Variants in VIM observed in about 807,000 individuals in gnomAD.
VIM encodes vimentin, also known as epididymis secretory sperm binding protein.
In VIM, 18 loss-of-function variants were observed where a neutral mutation model predicts 50.3. That is an observed-to-expected ratio of 0.36 (90% confidence interval 0.25 to 0.53). The LOEUF (loss-of-function observed/expected upper bound fraction) is 0.53. VIM is among the 20% of genes least tolerant of loss of function. The pLI, the probability that VIM is intolerant of heterozygous loss-of-function variation, is 0.91. For missense variants in VIM, 551 were observed against 614.7 expected (o/e 0.90, Z 1.10); for synonymous variants, 245 against 248.5 (o/e 0.99, Z 0.13).
rs763181437 is a variant in VIM, at chr10:17,237,260, G to C, written c.1390G>C (p.Asp464His). ...VINETSQHHD[D>H]LE Reference sequence around the variant, plus strand: ...CAACGAAACTTCTCAGCATCACGATGACCTTGAATAAAAATTGCACACACT... The same window carrying C: ...CAACGAAACTTCTCAGCATCACGATCACCTTGAATAAAAATTGCACACACT... The change falls in exon 10 of 10, where the codon GAC (aspartate) becomes CAC (histidine). Residue 464 changes from aspartate (D) to histidine (H), a missense_variant. Coordinates refer to ENST00000544301, the MANE Select transcript of VIM (RefSeq NM_003380.5). 6.2e-7 allele frequency: 1 copy of C among 1,606,160 alleles called. No homozygotes were observed. Among genetic ancestry groups the C allele is most frequent in the South Asian group, 1.1e-5 (1 of 90,096 alleles).
At position 17,229,885 on chromosome 10, in the gene VIM, C is replaced by T. The variant is rs749293841; in HGVS notation, c.463C>T (p.Arg155Trp). 3 of 1,611,196 alleles carry T rather than the reference C, an allele frequency of 1.9e-6. No homozygotes were observed. The highest frequency in any genetic ancestry group is 2.5e-6 in the Non-Finnish European group (3 of 1,179,046). The change falls in exon 2 of 10, where the codon CGG (arginine) becomes TGG (tryptophan). Residue 155 changes from arginine (R) to tryptophan (W), a missense_variant. This residue lies in a region of VIM where 394 missense variants were observed against 437.5 expected (regional missense o/e 0.90). Coordinates refer to ENST00000544301, the MANE Select transcript of VIM (RefSeq NM_003380.5). ...RLGDLYEEEM[R>W]ELRRQVDQLT... ...GGGGGACCTCTACGAGGAGGAGATG[C>T]GGGAGCTGCGCCGGCAGGTGGACCA...
chr10:17,229,659 C>T lies in VIM; in HGVS notation c.237C>T (p.Leu79=). 1 of 1,562,488 alleles carries T rather than the reference C, an allele frequency of 6.4e-7. No individual in the cohort carries two copies. The highest frequency in any genetic ancestry group is 1.9e-5 in the Admixed American group (1 of 52,432). Residue 79 remains leucine (L), a synonymous_variant, in exon 2 of 10, where the codon CTC becomes CTT. Transcript: ENST00000544301. Reference sequence around the variant, plus strand: ...GGAGCAGCGTGCCCGGGGTGCGGCTCCTGCAGGACTCGGTGGACTTCTCGC... The same window carrying T: ...GGAGCAGCGTGCCCGGGGTGCGGCTTCTGCAGGACTCGGTGGACTTCTCGC... ...RLRSSVPGVR[L]LQDSVDFSLA... is the part of the protein sequence containing the mutation.
chr10:17,237,186 T>C (rs1285175153), intron 9 of VIM, 44 bp from the exon 10 acceptor site: 1 of 1,523,274 alleles, frequency 6.6e-7, no homozygotes, highest in African/African-American at 1.4e-5. Context: ...ATTTAGTCTT[T>C]GGCATGTGGC....
Position 17,234,853 on chromosome 10 carries a change from A to C in VIM, c.1008+35A>C, listed in dbSNP as rs751325722. On this transcript the variant is annotated intron_variant, in intron 6 of 9. Coordinates refer to ENST00000544301, the MANE Select transcript of VIM (RefSeq NM_003380.5). Reference sequence around the variant, plus strand: ...AACCCTGCAGTAAAAGAGGGAAAATAATGACCCATTCTGCTGACTAGGCTC... The same window carrying C: ...AACCCTGCAGTAAAAGAGGGAAAATCATGACCCATTCTGCTGACTAGGCTC... 1.9e-6 allele frequency: 3 copies of C among 1,613,876 alleles called. No individual in the cohort carries two copies. The East Asian group carries it at 6.7e-5, about 36-fold the overall frequency.
chr10:17,233,691 A>G lies in VIM; in HGVS notation c.720+9A>G. 2 of 1,614,150 alleles carry G rather than the reference A, an allele frequency of 1.2e-6. No homozygotes were observed. Among genetic ancestry groups the G allele is most frequent in the Middle Eastern group, 1.6e-4 (1 of 6,062 alleles). ...AGAAACTCCACGAAGAGGTTAGTGG[A>G]GTGACTTTCGGGGAATGAATGAGGG... On this transcript the variant is annotated intron_variant, in intron 4 of 9. Coordinates refer to ENST00000544301, the MANE Select transcript of VIM (RefSeq NM_003380.5).
chr10:17,232,699 C>T (rs1269340444), intron 3 of VIM, among the ~76,000 whole-genome samples: 1 of 152,154 alleles, frequency 6.6e-6, no homozygotes, highest in African/African-American at 2.4e-5. Flanking sequence ...ATAAATCTAG[C>T]CTTGTACAAT....
chr10:17,236,240 T>C, intron 8 of VIM, 54 bp from the exon 9 acceptor site: 2 of 1,369,890 alleles, frequency 1.5e-6, no homozygotes, highest in Non-Finnish European at 2.1e-6. Flanking sequence ...GGTTACTTGG[T>C]TTTTCCAAGA....
intron 3 of VIM, 48 bp downstream of exon 3, chr10:17,230,758 C>T (rs773168600): frequency 4.4e-6 from 7 of 1,608,104 alleles, no homozygotes; most frequent in Non-Finnish European, 6.0e-6. Context: ...CCACCCAACA[C>T]AACCCACGAG....
At chr10:17,231,676 G>T (rs1327966731) in intron 3 of VIM, among the ~76,000 whole-genome samples, 2 of 151,972 alleles carry the variant, frequency 1.3e-5, no homozygotes, top group African/African-American at 4.8e-5. Context: ...TTCTTGATTG[G>T]GTTCTTGTGT....
intron 1 of VIM, 181 bp downstream of exon 1, chr10:17,228,705 G>C (rs45511801): frequency 2.0e-5 from 3 of 153,024 alleles, no homozygotes. Flanking sequence ...GCGCGGGCCG[G>C]AGCAGCCCCC....
chr10:17,233,102 C>T (rs1396849564), intron 3 of VIM: 3 of 213,008 alleles, frequency 1.4e-5, no homozygotes, highest in South Asian at 6.3e-5. Context: ...CATGTGCCAC[C>T]ACACCCAGCT....
At chr10:17,235,657 C>A in intron 7 of VIM, 189 bp from the exon 8 acceptor site, 1 of 712,876 alleles carries the variant, frequency 1.4e-6, no homozygotes, top group Non-Finnish European at 2.4e-6. Flanking sequence ...GGAGAAAATG[C>A]TTGTAGTAAC....
In VIM at chr10:17,233,804, A is replaced by G. The variant is rs776147609; in HGVS notation, c.755A>G (p.Gln252Arg). ...GAGCTGCAGGCTCAGATTCAGGAAC[A>G]GCATGTCCAAATCGATGTGGATGTT... Reference protein sequence around the residue: ...IQELQAQIQEQHVQIDVDVSK... With the variant: ...IQELQAQIQERHVQIDVDVSK... Residue 252 changes from glutamine (Q) to arginine (R), a missense_variant, in exon 5 of 10, where the codon CAG becomes CGG. By Grantham distance (43) the Gln-to-Arg change is conservative (BLOSUM62 1). This residue lies in a region of VIM where 394 missense variants were observed against 437.5 expected (regional missense o/e 0.90). Coordinates refer to ENST00000544301, the MANE Select transcript of VIM (RefSeq NM_003380.5). 31 of 1,614,228 alleles carry G rather than the reference A, an allele frequency of 1.9e-5. No individual in the cohort carries two copies. In the East Asian group the frequency reaches 4.2e-4, roughly 22 times the overall value.
intron 5 of VIM, chr10:17,234,202 G>A (rs570334580): frequency 3.7e-5 from 15 of 406,894 alleles, no homozygotes; most frequent in East Asian, 3.3e-4. Flanking sequence ...TGCAACCTCC[G>A]CCTCCCAGGT....
At chr10:17,234,239 C>A (rs1295911105) in intron 5 of VIM, 2 of 374,948 alleles carry the variant, frequency 5.3e-6, no homozygotes, top group South Asian at 2.4e-5. Context: ...CCTCAGCCCC[C>A]TAAGAGCTGG....
At chr10:17,230,242 A>G (rs1846762025) in intron 2 of VIM, 1 of 591,346 alleles carries the variant, frequency 1.7e-6, no homozygotes, top group South Asian at 2.1e-5. Context: ...CAGATTTCTT[A>G]AAACTACCAC....
chr10:17,233,344 T>A, intron 3 of VIM: 1 of 504,292 alleles, frequency 2.0e-6, no homozygotes, highest in Admixed American at 3.2e-5. Flanking sequence ...ATTTTAAAAT[T>A]GTCTGATCAC....
Position 17,229,494 on chromosome 10 carries a change from G to C in VIM, c.72G>C (p.Pro24=), listed in dbSNP as rs1174783297. ...MFGGPGTASR[P]SSSRSYVTTS... The stretch of plus-strand genomic sequence containing the variant: ...GCGGCCCGGGCACCGCGAGCCGGCC[G>C]AGCTCCAGCCGGAGCTACGTGACTA... Residue 24 remains proline (P), a synonymous_variant, in exon 2 of 10, where the codon CCG becomes CCC. Coordinates refer to ENST00000544301, the MANE Select transcript of VIM (RefSeq NM_003380.5). The C allele has an allele frequency of 1.9e-6, 3 of 1,607,432 alleles. No homozygotes were observed. The African/African-American group carries it at 4.0e-5, about 21-fold the overall frequency.
At position 17,237,212 on chromosome 10, in the gene VIM, G is replaced by GTTT; in HGVS notation, c.1360-9_1360-7dup. Reference sequence around the variant, plus strand: ...GGCATGTGGCATTATATTTATTTTGGTTTTTTTTTTTAAACAGGTTATCAA... The same window carrying GTTT: ...GGCATGTGGCATTATATTTATTTTGGTTTTTTTTTTTTTTAAACAGGTTATCAA... On this transcript the variant is annotated splice_polypyrimidine_tract_variant and intron_variant, in intron 9 of 9. Coordinates refer to ENST00000544301, the MANE Select transcript of VIM (RefSeq NM_003380.5). The GTTT allele has an allele frequency of 1.6e-6, 2 of 1,271,046 alleles. No homozygotes were observed. The highest frequency in any genetic ancestry group is 1.4e-5 in the South Asian group (1 of 70,650). 78.7% of individuals were successfully genotyped at this position (1,271,046 alleles called of 1,614,324 possible). A position where few individuals can be genotyped will look rare whatever the true frequency, so the allele number is the denominator to read the frequency against.
Sources: allele counts gnomAD v4.1 joint callset (sites outside exome capture counted in the v4.1 genomes callset), GRCh38; gene constraint gnomAD v4.1.1; regional missense constraint gnomAD v4.1.1; transcripts MANE v1.5; gene names NCBI Gene and HGNC (gene_info 2026-07-23, HGNC 2026-07-21).